WASHC2C: variants seen among roughly 807,000 people sequenced by gnomAD.
WASHC2C encodes Vaccinia Penetration Factor.
A neutral mutation model predicts 142.2 loss-of-function variants in WASHC2C; 73 were observed. The observed-to-expected ratio is 0.51, with a 90% CI of 0.43 to 0.62. WASHC2C has a LOEUF of 0.62. Ranked by LOEUF, WASHC2C falls within the 20% of genes least tolerant of loss-of-function variation. The probability of loss-of-function intolerance (pLI) is 0.00; values close to 1 mark genes in which losing one functional copy is unlikely to be tolerated. For synonymous variants in WASHC2C, 337 were observed against 565.5 expected (o/e 0.60, Z 5.73); for missense variants, 969 against 1,531.7 (o/e 0.63, Z 6.13).
chr10:45,785,826 A>G, intron 26 of WASHC2C, 195 bp downstream of exon 26: 1 of 1,052,686 alleles, frequency 9.5e-7, no homozygotes, highest in Non-Finnish European at 1.4e-6. Flanking sequence ...AGTTTCATGA[A>G]TCTATACTTT....
chr10:45,741,724 CAG>C (rs1193901486), intron 5 of WASHC2C, among the ~76,000 whole-genome samples: 3 of 151,814 alleles, frequency 2.0e-5, no homozygotes, highest in Non-Finnish European at 2.9e-5. Flanking sequence ...CAATGCCTCA[CAG>C]GGGACAGGGC....
chr10:45,737,854 T>G, intron 3 of WASHC2C, 129 bp from the exon 4 acceptor site: 1 of 1,595,210 alleles, frequency 6.3e-7, no homozygotes, highest in South Asian at 1.1e-5. Context: ...CTGGTAGTGG[T>G]CTCAGCCCTT....
At chr10:45,737,818 C>T (rs1474888956) in intron 3 of WASHC2C, among the ~76,000 whole-genome samples, 165 bp from the exon 4 acceptor site, 2 of 148,724 alleles carry the variant, frequency 1.3e-5, no homozygotes, top group Non-Finnish European at 3.0e-5. Flanking sequence ...GCTGTTAGTC[C>T]ATGACCCACT....
intron 29 of WASHC2C, 68 bp from the exon 30 acceptor site, chr10:45,790,288 T>C: frequency 6.2e-7 from 1 of 1,607,900 alleles, no homozygotes; most frequent in Non-Finnish European, 8.5e-7. Context: ...CATAGCTTGT[T>C]GACGTGTTTG....
chr10:45,736,403 C>G (rs1197522214), intron 3 of WASHC2C, among the ~76,000 whole-genome samples: 6 of 24,036 alleles, frequency 2.5e-4, no homozygotes, highest in African/African-American at 8.0e-4. Context: ...GAGACTCCAT[C>G]TCAAAAAAAA....
chr10:45,759,289 C>CG, intron 16 of WASHC2C, 26 bp from the exon 17 acceptor site: 1 of 537,826 alleles, frequency 1.9e-6, no homozygotes, highest in Non-Finnish European at 2.7e-6. Context: ...TTTTTCTTCC[C>CG]CACCCCCCCC....
chr10:45,744,142 T>C (rs1554869940), intron 6 of WASHC2C, among the ~76,000 whole-genome samples: 1 of 150,680 alleles, frequency 6.6e-6, no homozygotes, highest in Non-Finnish European at 1.5e-5. Flanking sequence ...CACTGCAACC[T>C]CCACCTCCTG....
intron 21 of WASHC2C, among the ~76,000 whole-genome samples, chr10:45,776,164 T>G (rs2057060767): frequency 6.6e-6 from 1 of 152,084 alleles, no homozygotes; most frequent in African/African-American, 2.4e-5. Context: ...CCTTGCTCTC[T>G]TCTTTCTTCA....
upstream of WASHC2C, chr10:45,727,081 C>T (rs1026684647): frequency 3.2e-5 from 42 of 1,305,962 alleles, no homozygotes; most frequent in Non-Finnish European, 4.2e-5. Context: ...CAGCCCCTAT[C>T]CTCCAGCTTC....
In WASHC2C at chr10:45,788,989, G is replaced by C; in HGVS notation, c.3206G>C (p.Trp1069Ser). 6.2e-7 allele frequency: 1 copy of C among 1,612,056 alleles called. No homozygotes were observed. The highest frequency in any genetic ancestry group is 8.5e-7 in the Non-Finnish European group (1 of 1,179,860). The part of the protein sequence containing the change: ...MSVPRGPIAQ[W>S]ADGAISPNGH... Reference sequence around the variant, plus strand: ...GTCCCCAGAGGACCCATTGCACAGTGGGCTGATGGCGCCATTTCCCCAAAT... The same window carrying C: ...GTCCCCAGAGGACCCATTGCACAGTCGGCTGATGGCGCCATTTCCCCAAAT... The change falls in exon 29 of 31, where the codon TGG (tryptophan) becomes TCG (serine). Residue 1069 changes from tryptophan (W) to serine (S), a missense_variant. Transcript: ENST00000623400.
At chr10:45,766,402 C>T (rs1554882426) in intron 19 of WASHC2C, among the ~76,000 whole-genome samples, 3 of 144,222 alleles carry the variant, frequency 2.1e-5, no homozygotes, top group African/African-American at 5.2e-5. Flanking sequence ...ATAGGGAGGA[C>T]TGGAATGAAG....
chr10:45,732,178 T>C (rs1403124823), intron 3 of WASHC2C, among the ~76,000 whole-genome samples: 1 of 152,224 alleles, frequency 6.6e-6, no homozygotes, highest in African/African-American at 2.4e-5. Flanking sequence ...TGGTGCCATT[T>C]GGTTTCATGG....
chr10:45,782,038 AG>A (rs1386178224), intron 23 of WASHC2C, among the ~76,000 whole-genome samples: 1 of 135,510 alleles, frequency 7.4e-6, no homozygotes, highest in African/African-American at 2.8e-5. Flanking sequence ...CTGTAATCCC[AG>A]CACTTTGGGA....
chr10:45,786,521 T>C, intron 26 of WASHC2C, 91 bp from the exon 27 acceptor site: 13 of 1,298,540 alleles, frequency 1.0e-5, no homozygotes, highest in Non-Finnish European at 1.5e-5. Flanking sequence ...AAGTGACAGT[T>C]TTGCTCCATC....
chr10:45,744,097 C>A (rs2052498763), intron 6 of WASHC2C, among the ~76,000 whole-genome samples: 1 of 150,450 alleles, frequency 6.6e-6, no homozygotes, highest in South Asian at 2.1e-4. Flanking sequence ...TCTCTCTGGT[C>A]ACCCAGGCTG....
chr10:45,788,172 A>G (rs1321257051), intron 28 of WASHC2C, among the ~76,000 whole-genome samples: 14 of 152,216 alleles, frequency 9.2e-5, no homozygotes, highest in Non-Finnish European at 1.5e-4. Context: ...AGTTGACAAC[A>G]CAATCATACT....
In WASHC2C at chr10:45,736,405, C is replaced by CAAAAAA. The variant is rs71520974; in HGVS notation, c.292-1551_292-1546dup. Among the ~76,000 whole-genome samples, 14 of 24,552 alleles carry CAAAAAA rather than the reference C, an allele frequency of 5.7e-4. 1 individual carries two copies. Among genetic ancestry groups the CAAAAAA allele is most frequent in the Admixed American group, 8.5e-4 (1 of 1,180 alleles). 16.1% of individuals were successfully genotyped at this position (24,552 alleles called of 152,430 possible). A position where few individuals can be genotyped will look rare whatever the true frequency, so the allele number is the denominator to read the frequency against. On this transcript the variant is annotated intron_variant, in intron 3 of 30. Coordinates refer to ENST00000623400, the MANE Select transcript of WASHC2C (RefSeq NM_001330074.2). ...TTGGCAACAGAGTGAGACTCCATCT[C>CAAAAAA]AAAAAAAAAAAAAAAAAAAAAAAAA...
At position 45,752,614 on chromosome 10, in the gene WASHC2C, C is replaced by T; in HGVS notation, c.1030C>T (p.Pro344Ser). 2 of 1,609,906 alleles carry T rather than the reference C, an allele frequency of 1.2e-6. No individual in the cohort carries two copies. Among genetic ancestry groups the T allele is most frequent in the Non-Finnish European group, 1.7e-6 (2 of 1,178,764 alleles). Residue 344 changes from proline to serine, a missense_variant, in exon 12 of 31, where the codon CCC becomes TCC. Transcript: ENST00000623400. Reference protein sequence around the residue: ...DDEEDNLFAPPKLTDEDFSPF... With the variant: ...DDEEDNLFAPSKLTDEDFSPF... ...TGAAGAGGATAACTTATTCGCACCC[C>T]CCAAGCTGACCGACGAGGACTTCTC... is the stretch of plus-strand genomic sequence containing the variant.
At position 45,791,985 on chromosome 10, in the gene WASHC2C, C is replaced by G. The variant is rs1375129089; in HGVS notation, c.3887-276C>G. Among the ~76,000 whole-genome samples the G allele has an allele frequency of 3.4e-5, 5 of 145,746 alleles. No homozygotes were observed. The South Asian group carries it at 1.1e-3, about 32-fold the overall frequency. The stretch of plus-strand genomic sequence containing the variant: ...TAGGGGCGTGGGCTGGTTTGGAGAT[C>G]AAGTTACCCTTCCCTTTTTTCTGTC... On this transcript the variant is annotated intron_variant, in intron 30 of 30. Coordinates refer to ENST00000623400, the MANE Select transcript of WASHC2C (RefSeq NM_001330074.2).
Sources: allele counts gnomAD v4.1 joint callset (sites outside exome capture counted in the v4.1 genomes callset), GRCh38; gene constraint gnomAD v4.1.1; transcripts MANE v1.5; gene names NCBI Gene and HGNC (gene_info 2026-07-23, HGNC 2026-07-21).